Variants in PRAM1 observed in about 807,000 individuals in gnomAD.
PRAM1 encodes the protein PML-RARA regulated adaptor molecule 1, also known as PML-RARA-regulated adapter molecule 1.
PRAM1 carries 41 observed loss-of-function variants against 55.3 expected under a neutral mutation model. That is an observed-to-expected ratio of 0.74 (90% confidence interval 0.58 to 0.96). The LOEUF (loss-of-function observed/expected upper bound fraction) is 0.96. Ranked by LOEUF, PRAM1 falls within the 40% of genes least tolerant of loss-of-function variation. The probability of loss-of-function intolerance (pLI) is 0.00; values close to 1 mark genes in which losing one functional copy is unlikely to be tolerated. For synonymous variants in PRAM1, 401 were observed against 387.1 expected (o/e 1.04, Z -0.42); for missense variants, 898 against 892.7 (o/e 1.01, Z -0.08).
rs780673312 is a variant in PRAM1 at position 8,490,214 on chromosome 19, T to C, written c.1988A>G (p.Asn663Ser). ...DDVDFCDPLE[N>S]QPLPLGR ...TTACCGTCCCAGGGGGAGTGGTTGG[T>C]TTTCCAGGGGATCTGCCGAGGAAGC... is the stretch of plus-strand genomic sequence containing the variant. The change falls in exon 10 of 10, where the codon AAC becomes AGC. Residue 663 changes from asparagine to serine, a missense_variant. Asn to Ser is a conservative substitution (Grantham distance 46, BLOSUM62 1). Transcript: ENST00000423345. The surrounding 1 kb of genome is among the most constrained non-coding windows in gnomAD (Gnocchi z 7.3). The C allele has an allele frequency of 5.0e-6, 8 of 1,598,426 alleles. No homozygotes were observed.
At chr19:8,494,892 C>T (rs961516086) in intron 4 of PRAM1, among the ~76,000 whole-genome samples, 1 of 151,054 alleles carries the variant, frequency 6.6e-6, no homozygotes, top group South Asian at 2.1e-4. Context: ...CTTGGCCTCC[C>T]AAAGTGCTGG....
Position 8,499,193 on chromosome 19 carries a change from C to T in PRAM1, c.615G>A (p.Pro205=), listed in dbSNP as rs371102113. The T allele has an allele frequency of 1.6e-4, 257 of 1,613,568 alleles. No individual in the cohort carries two copies. The highest frequency in any genetic ancestry group is 2.1e-4 in the Non-Finnish European group (245 of 1,179,814). Residue 205 remains proline, a synonymous_variant, in exon 2 of 10, where the codon CCG becomes CCA. Coordinates refer to ENST00000423345, the MANE Select transcript of PRAM1 (RefSeq NM_032152.5). The stretch of plus-strand genomic sequence containing the variant: ...TGGGAAAGGTACTCAACTCAGGCTG[C>T]GGGGACCTCGGGGTAGCCTCACCGG... ...PEAGEATPRS[P]QPELSTFPKK...
intron 4 of PRAM1, chr19:8,491,477 C>G (rs1971628734): frequency 2.2e-6 from 1 of 458,982 alleles, no homozygotes; most frequent in Non-Finnish European, 4.0e-6. Context: ...AGGCAATCCA[C>G]TCGCCTCGGC....
In PRAM1 at chr19:8,490,567, C is replaced by T. The variant is rs374548574; in HGVS notation, c.1906+27G>A. The T allele has an allele frequency of 6.1e-5, 97 of 1,592,872 alleles. 1 individual carries two copies. The African/African-American group carries it at 8.0e-4, about 13-fold the overall frequency. On this transcript the variant is annotated intron_variant, in intron 7 of 9. Transcript: ENST00000423345. This position sits in a 1 kb window ranked among gnomAD's most constrained non-coding sequence, Gnocchi z 7.3. ...GCCCAGGGTGGCGGCGGGGACCTCC[C>T]GGGGCTGCGGGGCCGGGCGCACTCA...
In PRAM1 at chr19:8,499,592, C is replaced by T. The variant is rs373382319; in HGVS notation, c.216G>A (p.Pro72=). 6.8e-6 allele frequency: 11 copies of T among 1,607,870 alleles called. No individual in the cohort carries two copies. The African/African-American group carries it at 7.1e-5, about 10-fold the overall frequency. ...PEFGAVSLKP[P]PPEVTDLPKK... ...TGGGGAGGTCAGTGACCTCAGGCGG[C>T]GGGGGCTTCAAGGACACTGCACCAA... The change falls in exon 2 of 10, where the codon CCG becomes CCA. Residue 72 remains proline (P), a synonymous_variant. Coordinates refer to ENST00000423345, the MANE Select transcript of PRAM1 (RefSeq NM_032152.5).
Position 8,498,241 on chromosome 19 carries a change from T to C in PRAM1, c.1481A>G (p.Gln494Arg). Residue 494 changes from glutamine to arginine, a missense_variant, in exon 3 of 10, where the codon CAG becomes CGG. Transcript: ENST00000423345. ...CACTCACTGCGGGATGTCTTCAGGC[T>C]GTCGGTCCTGGAAGTGGAGCCCAGC... Reference protein sequence around the residue: ...SAAGLHFQDRQPEDIPQVPDE... With the variant: ...SAAGLHFQDRRPEDIPQVPDE... 1 of 1,612,770 alleles carries C rather than the reference T, an allele frequency of 6.2e-7. No homozygotes were observed. The highest frequency in any genetic ancestry group is 8.5e-7 in the Non-Finnish European group (1 of 1,179,560).
At chr19:8,496,202 T>C (rs1971697430) in intron 4 of PRAM1, 4 of 429,110 alleles carry the variant, frequency 9.3e-6, no homozygotes, top group South Asian at 4.9e-5. Context: ...GATCACGAGG[T>C]CAGGAGTTCA....
At position 8,500,138 on chromosome 19, in the gene PRAM1, G is replaced by A. The variant is rs566002698; in HGVS notation, c.28-358C>T. 8.9e-5 allele frequency among the ~76,000 whole-genome samples: 12 copies of A among 134,972 alleles called. No individual in the cohort carries two copies. The East Asian group carries it at 1.9e-3, about 22-fold the overall frequency. 88.5% of individuals were successfully genotyped at this position (134,972 alleles called of 152,430 possible). A position where few individuals can be genotyped will look rare whatever the true frequency, so the allele number is the denominator to read the frequency against. On this transcript the variant is annotated intron_variant, in intron 1 of 9. Transcript: ENST00000423345. Reference sequence around the variant, plus strand: ...CCTCCCACTGCATGTCTCCAGTCTCGTTCCATTGCCCAGGCTGGAGAGCAG... The same window carrying A: ...CCTCCCACTGCATGTCTCCAGTCTCATTCCATTGCCCAGGCTGGAGAGCAG...
At chr19:8,500,166 G>C in intron 1 of PRAM1, among the ~76,000 whole-genome samples, 1 of 149,360 alleles carries the variant, frequency 6.7e-6, no homozygotes, top group Admixed American at 6.8e-5. Flanking sequence ...GAGAGCAGTG[G>C]TGCAATCATA....
At position 8,499,141 on chromosome 19, in the gene PRAM1, C is replaced by T. The variant is rs765435888; in HGVS notation, c.667G>A (p.Val223Met). 1 of 1,613,534 alleles carries T rather than the reference C, an allele frequency of 6.2e-7. No individual in the cohort carries two copies. The change falls in exon 2 of 10, where the codon GTG becomes ATG. Residue 223 changes from valine to methionine, a missense_variant. Val to Met is a conservative substitution (Grantham distance 21). Transcript: ENST00000423345. ...PKKPAQPEFN[V>M]YPKKPPQPQV... is the part of the protein sequence containing the mutation. The stretch of plus-strand genomic sequence containing the variant: ...GGCTGCGGAGGCTTTTTGGGGTACA[C>T]GTTGAACTCAGGCTGCGCAGGCTTC...
intron 3 of PRAM1, 39 bp downstream of exon 3, chr19:8,498,184 C>T: frequency 3.1e-6 from 5 of 1,595,484 alleles, no homozygotes; most frequent in Non-Finnish European, 4.3e-6. Context: ...CTTTGAGCCC[C>T]ACAATCCGCA....
In PRAM1 at chr19:8,499,056, T is replaced by C. The variant is rs111320448; in HGVS notation, c.752A>G (p.Gln251Arg). ...VPQPEFSEAA[Q>R]TPLWKPQSSE... ...GGACTGAGGCTTCCAGAGGGGAGTC[T>C]GAGCGGCCTCGCTGAACTCAGGCTG... Residue 251 changes from glutamine (Q) to arginine (R), a missense_variant, in exon 2 of 10, where the codon CAG becomes CGG. Coordinates refer to ENST00000423345, the MANE Select transcript of PRAM1 (RefSeq NM_032152.5). 93 of 1,613,386 alleles carry C rather than the reference T, an allele frequency of 5.8e-5. 2 individuals are homozygous for C. The African/African-American group carries it at 8.0e-4, about 14-fold the overall frequency.
At chr19:8,496,094 C>G (rs1222120137) in intron 4 of PRAM1, 3 of 456,108 alleles carry the variant, frequency 6.6e-6, no homozygotes, top group South Asian at 4.6e-5. Flanking sequence ...GCCTGGACAT[C>G]CCCTCAGCTA....
Position 8,498,392 on chromosome 19 carries a change from G to T in PRAM1, c.1416C>A (p.Pro472=). The T allele has an allele frequency of 1.3e-6, 2 of 1,580,050 alleles. No individual in the cohort carries two copies. Among genetic ancestry groups the T allele is most frequent in the Admixed American group, 1.8e-5 (1 of 55,252 alleles). The change falls in exon 2 of 10, where the codon CCC becomes CCA. Residue 472 remains proline, a synonymous_variant. Coordinates refer to ENST00000423345, the MANE Select transcript of PRAM1 (RefSeq NM_032152.5). The part of the protein sequence containing the change: ...GPVDMQSFRR[P]SAASIDLRRT... ...CTCACCCACCTATGGATGCTGCAGA[G>T]GGTCTCCGAAAGCTCTGCATATCCA...
intron 1 of PRAM1, 93 bp downstream of exon 1, chr19:8,502,471 CG>C (rs2145799849): frequency 1.6e-5 from 7 of 444,298 alleles, no homozygotes; most frequent in Admixed American, 6.8e-5. Flanking sequence ...CCCGCCCCCC[CG>C]CCCGCCCCTC....
intron 4 of PRAM1, among the ~76,000 whole-genome samples, chr19:8,495,346 C>T (rs563259559): frequency 5.3e-5 from 8 of 151,826 alleles, no homozygotes; most frequent in African/African-American, 1.2e-4. Flanking sequence ...GTGATCCACC[C>T]GCCTCGGCCT....
chr19:8,499,067 G>A lies in PRAM1; in HGVS notation c.741C>T (p.Ser247=), dbSNP rs781035206. ...TCCAGAGGGGAGTCTGAGCGGCCTC[G>A]CTGAACTCAGGCTGCGGCACGGACT... The part of the protein sequence containing the change: ...PKKSVPQPEF[S]EAAQTPLWKP... The change falls in exon 2 of 10, where the codon AGC becomes AGT. Residue 247 remains serine (S), a synonymous_variant. Transcript: ENST00000423345. The A allele has an allele frequency of 9.3e-6, 15 of 1,613,596 alleles. No individual in the cohort carries two copies. The highest frequency in any genetic ancestry group is 2.7e-5 in the African/African-American group (2 of 74,842).
Position 8,502,541 on chromosome 19 carries a change from G to C in PRAM1, c.27+24C>G, listed in dbSNP as rs1368804241. On this transcript the variant is annotated intron_variant, in intron 1 of 9. Transcript: ENST00000423345. ...TGTCCCTTGCTTCCCAGCCAGTGAG[G>C]CACAGGCCTCTTCCAGCACTCACCA... is the stretch of plus-strand genomic sequence containing the variant. 4.5e-6 allele frequency: 7 copies of C among 1,543,270 alleles called. No homozygotes were observed. In the Admixed American group the frequency reaches 1.4e-4, roughly 30 times the overall value.
intron 1 of PRAM1, 95 bp downstream of exon 1, chr19:8,502,470 C>G: frequency 2.3e-6 from 1 of 429,242 alleles, no homozygotes; most frequent in Non-Finnish European, 4.4e-6. Context: ...CCCCGCCCCC[C>G]CGCCCGCCCC....
Sources: gnomAD v4.1 joint callset for allele counts (sites outside exome capture counted in the v4.1 genomes callset) on GRCh38, gnomAD v4.1.1 for gene constraint, Gnocchi (gnomAD v3.1) non-coding constraint, MANE v1.5 for transcripts, NCBI Gene and HGNC (gene_info 2026-07-23, HGNC 2026-07-21) for gene names.